Variants in LANCL3 observed in about 807,000 individuals in gnomAD.
The protein encoded by LANCL3 is lanC-like protein 3.
LANCL3 carries 19 observed loss-of-function variants against 26.5 expected under a neutral mutation model. That is an observed-to-expected ratio of 0.72 (90% CI 0.50 to 1.05). The LOEUF is 1.05. Ranked by LOEUF, LANCL3 falls within the 50% of genes least tolerant of loss-of-function variation. The probability of loss-of-function intolerance (pLI) is 0.00; values close to 1 mark genes in which losing one functional copy is unlikely to be tolerated. For missense variants in LANCL3, 318 were observed against 362.7 expected (o/e 0.88, Z 1.00); for synonymous variants, 160 against 166.6 (o/e 0.96, Z 0.30).
intron 1 of LANCL3, among the ~76,000 whole-genome samples, chrX:37,637,531 A>T (rs1925739924): frequency 9.0e-6 from 1 of 111,260 alleles, no homozygotes; most frequent in Non-Finnish European, 1.9e-5. Flanking sequence ...TCCCACCTTG[A>T]ATGTAAACAT....
chrX:37,580,908 A>G (rs1446652970), intron 1 of LANCL3, among the ~76,000 whole-genome samples: 1 of 112,451 alleles, frequency 8.9e-6, no homozygotes, highest in Non-Finnish European at 1.9e-5. Context: ...TCACACAGCT[A>G]GTCAGTGGCA....
chrX:37,580,191 T>G (rs1307955339), intron 1 of LANCL3, among the ~76,000 whole-genome samples: 1 of 111,671 alleles, frequency 9.0e-6, no homozygotes, highest in Non-Finnish European at 1.9e-5. Flanking sequence ...GTTCAATTCC[T>G]AATTGCCTGA....
chrX:37,645,260 T>A (rs931820687), intron 1 of LANCL3, among the ~76,000 whole-genome samples: 1 of 112,414 alleles, frequency 8.9e-6, no homozygotes, highest in Non-Finnish European at 1.9e-5. Context: ...AAATGGTACC[T>A]GGGACCAAAT....
rs1262924599 is a variant in LANCL3 at position 37,659,637 on chromosome X, G to T, written c.873G>T (p.Val291=). 5.8e-6 allele frequency: 7 copies of T among 1,207,706 alleles called. No homozygotes were observed. Among genetic ancestry groups the T allele is most frequent in the Middle Eastern group, 2.3e-4 (1 of 4,305 alleles). The change falls in exon 3 of 5, where the codon GTG becomes GTT. Residue 291 remains valine, a synonymous_variant. Coordinates refer to ENST00000378619, the MANE Select transcript of LANCL3 (RefSeq NM_001170331.2). The stretch of plus-strand genomic sequence containing the variant: ...CCATCGAGAGAGAGAATGAGCTGGT[G>T]CACTGGTGCCATGGCGCTCCAGGTC... ...GETIERENEL[V]HWCHGAPGIA...
At chrX:37,622,312 C>T (rs952911816) in intron 1 of LANCL3, among the ~76,000 whole-genome samples, 4 of 110,992 alleles carry the variant, frequency 3.6e-5, no homozygotes, top group African/African-American at 1.3e-4. Context: ...ATAAGGGTTC[C>T]CTGTGTCTTC....
At chrX:37,663,507 G>T (rs1556433095) in intron 3 of LANCL3, among the ~76,000 whole-genome samples, 1 of 111,801 alleles carries the variant, frequency 8.9e-6, no homozygotes, top group Non-Finnish European at 1.9e-5. Flanking sequence ...GGGAATGGAG[G>T]AAAAGAGGTG....
chrX:37,655,628 C>G (rs1926264450), intron 1 of LANCL3, 60 bp from the exon 2 acceptor site: 3 of 1,035,554 alleles, frequency 2.9e-6, no homozygotes, highest in Non-Finnish European at 3.9e-6. Context: ...CAAGAAAATT[C>G]AGTGTCTAAG....
intron 1 of LANCL3, among the ~76,000 whole-genome samples, chrX:37,650,926 G>C (rs184878798): frequency 1.2e-5 from 1 of 85,177 alleles, no homozygotes; most frequent in Non-Finnish European, 2.1e-5. Flanking sequence ...TCCCCACCTT[G>C]TGTCCAGGTG....
At chrX:37,600,053 C>T (rs1318446598) in intron 1 of LANCL3, among the ~76,000 whole-genome samples, 1 of 111,745 alleles carries the variant, frequency 8.9e-6, no homozygotes, top group Non-Finnish European at 1.9e-5. Flanking sequence ...ATATTGTTAT[C>T]ATTGTCATCT....
chrX:37,623,867 T>C (rs1556422662), intron 1 of LANCL3, among the ~76,000 whole-genome samples: 1 of 112,160 alleles, frequency 8.9e-6, no homozygotes, highest in East Asian at 2.8e-4. Context: ...GAATGGAACA[T>C]GCTATGCATA....
Position 37,675,891 on chromosome X carries a change from A to G in LANCL3, c.*78A>G. 3.8e-6 allele frequency: 3 copies of G among 786,494 alleles called. No individual in the cohort carries two copies. Among genetic ancestry groups the G allele is most frequent in the Non-Finnish European group, 3.4e-6 (2 of 589,101 alleles). 64.8% of individuals were successfully genotyped at this position (786,494 alleles called of 1,213,427 possible). A position where few individuals can be genotyped will look rare whatever the true frequency, so the allele number is the denominator to read the frequency against. ...GCAGTTTCCACATAAGCCACATTCA[A>G]TGGTATCGCAACCATGAGCCTTAAC... On this transcript the variant is annotated 3_prime_UTR_variant, in exon 5 of 5. Coordinates refer to ENST00000378619, the MANE Select transcript of LANCL3 (RefSeq NM_001170331.2).
At chrX:37,629,373 G>A (rs1481427881) in intron 1 of LANCL3, among the ~76,000 whole-genome samples, 7 of 108,125 alleles carry the variant, frequency 6.5e-5, no homozygotes, top group Non-Finnish European at 1.3e-4. Flanking sequence ...AGTAGGTTGC[G>A]AAAATTTTCT....
At chrX:37,657,770 C>T (rs138476486) in intron 2 of LANCL3, among the ~76,000 whole-genome samples, 2,888 of 110,803 alleles carry the variant, frequency 0.026, 39 homozygotes, top group Middle Eastern at 0.051. Flanking sequence ...AATTTCGAAT[C>T]CAGCAAAATA....
chrX:37,675,755 T>G lies in LANCL3; in HGVS notation c.1205T>G (p.Leu402Arg). 8.6e-7 allele frequency: 1 copy of G among 1,163,722 alleles called. No individual in the cohort carries two copies. The change falls in exon 5 of 5, where the codon CTG becomes CGG. Residue 402 changes from leucine to arginine, a missense_variant. Physicochemically the swap from Leu to Arg is moderately radical, Grantham distance 102 (BLOSUM62 -2). Coordinates refer to ENST00000378619, the MANE Select transcript of LANCL3 (RefSeq NM_001170331.2). ...YEGFSGTVCF[L>R]IDLLQPNQAE... ...GGCTTCTCTGGGACAGTGTGCTTTC[T>G]GATTGACCTGCTGCAGCCCAATCAG...
At chrX:37,581,144 T>A (rs1470484841) in intron 1 of LANCL3, among the ~76,000 whole-genome samples, 2 of 112,096 alleles carry the variant, frequency 1.8e-5, no homozygotes, top group Admixed American at 1.9e-4. Context: ...TGAATTACAA[T>A]TTTTTTCCCC....
chrX:37,637,197 A>G (rs1181568698), intron 1 of LANCL3, among the ~76,000 whole-genome samples: 1 of 112,004 alleles, frequency 8.9e-6, no homozygotes, highest in Non-Finnish European at 1.9e-5. Context: ...GCCTTCCATC[A>G]TCTGTGTTCA....
intron 1 of LANCL3, among the ~76,000 whole-genome samples, chrX:37,638,447 T>C (rs1180122516): frequency 9.0e-6 from 1 of 111,515 alleles, no homozygotes; most frequent in Non-Finnish European, 1.9e-5. Flanking sequence ...GTGTGTACTT[T>C]TTTCTATTTC....
At chrX:37,672,465 G>A (rs975222475) in intron 4 of LANCL3, among the ~76,000 whole-genome samples, 1 of 112,051 alleles carries the variant, frequency 8.9e-6, no homozygotes, top group East Asian at 2.8e-4. Flanking sequence ...CACGGCCTGC[G>A]GTGTAAAATG....
chrX:37,591,881 C>T (rs1167545460), intron 1 of LANCL3, among the ~76,000 whole-genome samples: 1 of 110,119 alleles, frequency 9.1e-6, no homozygotes, highest in Non-Finnish European at 1.9e-5. Flanking sequence ...ACTCAAAGAG[C>T]TGATAAAGAA....
Sources: gnomAD v4.1 joint callset for allele counts (sites outside exome capture counted in the v4.1 genomes callset) on GRCh38, gnomAD v4.1.1 for gene constraint, MANE v1.5 for transcripts, NCBI Gene and HGNC (gene_info 2026-07-23, HGNC 2026-07-21) for gene names.